GPAT3: variants seen among roughly 807,000 people sequenced by gnomAD.
GPAT3 encodes 1-AGP acyltransferase 9.
Under a neutral mutation model 58.8 loss-of-function variants are expected in GPAT3, and 53 were observed. The observed-to-expected ratio is 0.90, with a 90% confidence interval of 0.72 to 1.13. The LOEUF (loss-of-function observed/expected upper bound fraction) is 1.13, where lower values mean the gene tolerates loss of function less well. Ranked by LOEUF, GPAT3 falls within the 50% of genes most tolerant of loss-of-function variation. GPAT3 has a pLI of 0.00. For missense variants in GPAT3, 511 were observed against 527.6 expected (o/e 0.97, Z 0.31); for synonymous variants, 197 against 187.4 (o/e 1.05, Z -0.42).
chr4:83,598,217 G>T, intron 10 of GPAT3, 38 bp downstream of exon 10: 1 of 1,589,728 alleles, frequency 6.3e-7, no homozygotes, highest in Non-Finnish European at 8.5e-7. Context: ...TCAGGTAGAG[G>T]CAAGGAGATC....
chr4:83,589,040 A>G (rs1230690643), intron 5 of GPAT3, among the ~76,000 whole-genome samples: 1 of 152,162 alleles, frequency 6.6e-6, no homozygotes, highest in Non-Finnish European at 1.5e-5. Flanking sequence ...TGGCTTTACC[A>G]TGTGGTACCA....
chr4:83,600,086 G>T (rs868045553), intron 11 of GPAT3, among the ~76,000 whole-genome samples: 1 of 152,084 alleles, frequency 6.6e-6, no homozygotes, highest in South Asian at 2.1e-4. Context: ...CTTGGATAAG[G>T]GGGGAGTTAC....
intron 2 of GPAT3, among the ~76,000 whole-genome samples, chr4:83,579,022 CTTT>C (rs1374731737): frequency 8.1e-4 from 8 of 9,840 alleles, no homozygotes; most frequent in Non-Finnish European, 1.7e-3. Flanking sequence ...CTTTCCCTTT[CTTT>C]CTTTCTTTCT....
intron 1 of GPAT3, among the ~76,000 whole-genome samples, chr4:83,537,591 A>ATGTGTG (rs113407081): frequency 0.049 from 7,083 of 145,202 alleles, 239 homozygotes; most frequent in Middle Eastern, 0.078. Flanking sequence ...TATGTATAAT[A>ATGTGTG]TGTGTGTGTG....
At chr4:83,551,316 CATTT>C (rs1161520935) in intron 2 of GPAT3, among the ~76,000 whole-genome samples, 5 of 151,946 alleles carry the variant, frequency 3.3e-5, no homozygotes, top group African/African-American at 1.2e-4. Context: ...AGTATAATAA[CATTT>C]ATTTAAAATT....
chr4:83,562,190 T>TATATATATATATTATATATATATA (rs1725160898), intron 2 of GPAT3, among the ~76,000 whole-genome samples: 3 of 87,382 alleles, frequency 3.4e-5, no homozygotes, highest in African/African-American at 2.5e-4. Flanking sequence ...TATATATATA[T>TATATATATATATTATATATATATA]ATATATATAA....
At chr4:83,599,370 C>T (rs1726971051) in intron 11 of GPAT3, among the ~76,000 whole-genome samples, 1 of 152,064 alleles carries the variant, frequency 6.6e-6, no homozygotes, top group Admixed American at 6.6e-5. Context: ...AAGGACACAC[C>T]CATCTCTAAG....
At position 83,597,500 on chromosome 4, in the gene GPAT3, T is replaced by C; in HGVS notation, c.981T>C (p.His327=). The C allele has an allele frequency of 6.4e-7, 1 of 1,566,572 alleles. No homozygotes were observed. Among genetic ancestry groups the C allele is most frequent in the Non-Finnish European group, 8.7e-7 (1 of 1,152,984 alleles). ...GCTTTGAAATTGGAGGAACCATACA[T>C]CCAGTTGCAATTAAGGTAAAACAGA... ...KGSFEIGGTI[H]PVAIKYNPQF... The change falls in exon 9 of 12, where the codon CAT becomes CAC. Residue 327 remains histidine, a synonymous_variant. Coordinates refer to ENST00000264409, the MANE Select transcript of GPAT3 (RefSeq NM_032717.5).
chr4:83,604,280 A>T (rs1219823793), intron 11 of GPAT3, among the ~76,000 whole-genome samples: 1 of 152,180 alleles, frequency 6.6e-6, no homozygotes, highest in Non-Finnish European at 1.5e-5. Flanking sequence ...TATGTTGGCC[A>T]GGCTGGTCTC....
intron 1 of GPAT3, among the ~76,000 whole-genome samples, chr4:83,542,439 C>G (rs1241987583): frequency 6.6e-6 from 1 of 152,190 alleles, no homozygotes; most frequent in Non-Finnish European, 1.5e-5. Context: ...AGTCACTTGT[C>G]ACTGGAAGTT....
intron 1 of GPAT3, among the ~76,000 whole-genome samples, chr4:83,541,851 A>G (rs557486883): frequency 7.9e-5 from 12 of 152,220 alleles, no homozygotes; most frequent in Non-Finnish European, 1.5e-4. Flanking sequence ...CCTTCCAGCA[A>G]GAAGGTGTAG....
At chr4:83,577,991 G>A (rs1725883231) in intron 2 of GPAT3, among the ~76,000 whole-genome samples, 1 of 151,890 alleles carries the variant, frequency 6.6e-6, no homozygotes, top group Admixed American at 6.6e-5. Context: ...AGTAGAGACG[G>A]GGTTTCACCA....
At chr4:83,587,022 C>A (rs967273411) in intron 3 of GPAT3, among the ~76,000 whole-genome samples, 3 of 152,204 alleles carry the variant, frequency 2.0e-5, no homozygotes, top group African/African-American at 7.2e-5. Context: ...CAGATGGCAT[C>A]ATATTCTGTA....
chr4:83,586,098 A>G (rs1726366208), intron 3 of GPAT3, among the ~76,000 whole-genome samples: 1 of 152,144 alleles, frequency 6.6e-6, no homozygotes, highest in Non-Finnish European at 1.5e-5. Flanking sequence ...TTATTGCCTC[A>G]TAGAGTCTTG....
chr4:83,544,527 T>G lies in GPAT3; in HGVS notation c.142-9T>G, dbSNP rs1724431123. 6.2e-7 allele frequency: 1 copy of G among 1,613,576 alleles called. No homozygotes were observed. The highest frequency in any genetic ancestry group is 8.5e-7 in the Non-Finnish European group (1 of 1,179,660). On this transcript the variant is annotated splice_polypyrimidine_tract_variant and intron_variant, in intron 1 of 11. Coordinates refer to ENST00000264409, the MANE Select transcript of GPAT3 (RefSeq NM_032717.5). ...ACAGTTTAAATTAATATTTCTTGTT[T>G]TTGAACAGTGGGCCACAATACGAAT...
In GPAT3 at chr4:83,554,397, A is replaced by G. The variant is rs1724874896; in HGVS notation, c.208+9795A>G. The stretch of plus-strand genomic sequence containing the variant: ...AAGTATTCCCCAAACCAGGCTCCCC[A>G]CCCTCTGCATATCTCCTGGTCTCTT... On this transcript the variant is annotated intron_variant, in intron 2 of 11. Coordinates refer to ENST00000264409, the MANE Select transcript of GPAT3 (RefSeq NM_032717.5). 2.0e-5 allele frequency among the ~76,000 whole-genome samples: 3 copies of G among 152,160 alleles called. No individual in the cohort carries two copies. In the South Asian group the frequency reaches 6.2e-4, roughly 32 times the overall value.
At chr4:83,597,932 A>G (rs1726906988) in intron 9 of GPAT3, 119 bp from the exon 10 acceptor site, 1 of 1,203,278 alleles carries the variant, frequency 8.3e-7, no homozygotes, top group Admixed American at 2.4e-5. Context: ...CATCAAGTGA[A>G]ATAACTTTTT....
At chr4:83,570,906 C>T (rs1302046006) in intron 2 of GPAT3, among the ~76,000 whole-genome samples, 1 of 152,020 alleles carries the variant, frequency 6.6e-6, no homozygotes, top group East Asian at 1.9e-4. Flanking sequence ...ATGTGATTAC[C>T]CCAATCGAGC....
Position 83,581,694 on chromosome 4 carries a change from A to G in GPAT3, c.341A>G (p.Gln114Arg), listed in dbSNP as rs1465821847. 6.2e-7 allele frequency: 1 copy of G among 1,614,226 alleles called. No individual in the cohort carries two copies. The highest frequency in any genetic ancestry group is 2.2e-5 in the East Asian group (1 of 44,894). ...GCCATTGTAGAAGATGAAGTGACCCAGAGGTTTTCCTCAGAGGAGCTAGTG... is the reference window on the plus strand; with the variant it reads ...GCCATTGTAGAAGATGAAGTGACCCGGAGGTTTTCCTCAGAGGAGCTAGTG... The part of the protein sequence containing the change: ...LEAIVEDEVT[Q>R]RFSSEELVSW... Residue 114 changes from glutamine (Q) to arginine (R), a missense_variant, in exon 3 of 12, where the codon CAG becomes CGG. Gln to Arg is a conservative substitution (Grantham distance 43). Coordinates refer to ENST00000264409, the MANE Select transcript of GPAT3 (RefSeq NM_032717.5).
Sources: allele counts gnomAD v4.1 joint callset (sites outside exome capture counted in the v4.1 genomes callset), GRCh38; gene constraint gnomAD v4.1.1; transcripts MANE v1.5; gene names NCBI Gene and HGNC (gene_info 2026-07-23, HGNC 2026-07-21).